SGCZ: variants seen among roughly 807,000 people sequenced by gnomAD.
SGCZ encodes the protein sarcoglycan zeta.
Under a neutral mutation model 41.3 loss-of-function variants are expected in SGCZ, and 40 were observed. The observed-to-expected ratio is 0.97, with a 90% CI of 0.75 to 1.26. SGCZ has a LOEUF of 1.26. Among genes scored for constraint, SGCZ ranks in the 50% most tolerant of loss-of-function variants. SGCZ has a pLI of 0.00. For synonymous variants in SGCZ, 206 were observed against 137.5 expected (o/e 1.50, Z -3.49); for missense variants, 552 against 369.8 (o/e 1.49, Z -4.04).
intron 1 of SGCZ, among the ~76,000 whole-genome samples, chr8:14,959,405 C>T (rs1025436248): frequency 2.6e-5 from 4 of 152,040 alleles, no homozygotes; most frequent in African/African-American, 9.7e-5. Context: ...TATAACTAAT[C>T]CATGGATATC....
chr8:14,446,475 T>G (rs1443247804), intron 2 of SGCZ, among the ~76,000 whole-genome samples: 3 of 152,198 alleles, frequency 2.0e-5, no homozygotes, highest in African/African-American at 7.2e-5. Flanking sequence ...ATAAATTGTA[T>G]AGAGATTCAT....
intron 2 of SGCZ, among the ~76,000 whole-genome samples, chr8:14,507,356 T>C (rs1165170327): frequency 1.3e-5 from 2 of 152,154 alleles, no homozygotes; most frequent in African/African-American, 4.8e-5. Flanking sequence ...AATCTGCCTG[T>C]ATAATTAAAA....
chr8:14,362,940 G>A (rs1803578992), intron 2 of SGCZ, among the ~76,000 whole-genome samples: 2 of 152,234 alleles, frequency 1.3e-5, no homozygotes, highest in South Asian at 4.1e-4. Context: ...CTAATATATA[G>A]TACAATGTGG....
intron 1 of SGCZ, among the ~76,000 whole-genome samples, chr8:14,626,197 G>A (rs1327409925): frequency 1.3e-5 from 2 of 151,848 alleles, no homozygotes; most frequent in African/African-American, 4.8e-5. Flanking sequence ...ACAATGGGCA[G>A]GTTTGTTACA....
intron 2 of SGCZ, among the ~76,000 whole-genome samples, chr8:14,489,866 C>CTTTTTTTTTTTTTT (rs142314868): frequency 1.5e-5 from 2 of 137,480 alleles, no homozygotes; most frequent in Admixed American, 7.6e-5. Flanking sequence ...AATTCTCCTA[C>CTTTTTTTTTTTTTT]CTTTTTTTTT....
intron 3 of SGCZ, among the ~76,000 whole-genome samples, chr8:14,321,855 C>G (rs10095041): frequency 0.011 from 1,717 of 152,130 alleles, 32 homozygotes; most frequent in African/African-American, 0.039. Flanking sequence ...ATCATTTCTG[C>G]TTTCATTATT....
intron 1 of SGCZ, among the ~76,000 whole-genome samples, chr8:15,234,833 C>A (rs1036960497): frequency 1.3e-5 from 2 of 152,156 alleles, no homozygotes; most frequent in African/African-American, 4.8e-5. Flanking sequence ...TTATCAGAAT[C>A]TTTCTTTCTT....
At chr8:15,217,085 G>A (rs1801427418) in intron 1 of SGCZ, among the ~76,000 whole-genome samples, 1 of 152,036 alleles carries the variant, frequency 6.6e-6, no homozygotes, top group African/African-American at 2.4e-5. Context: ...CAAAAAGTAA[G>A]CATTCCGACA....
At chr8:14,334,908 C>T (rs192731514) in intron 2 of SGCZ, among the ~76,000 whole-genome samples, 81 of 152,004 alleles carry the variant, frequency 5.3e-4, no homozygotes, top group Non-Finnish European at 1.0e-3. Context: ...TGTGTATTTC[C>T]GACTGTGTAT....
At chr8:15,200,095 A>G (rs1740212800) in intron 1 of SGCZ, among the ~76,000 whole-genome samples, 4 of 152,212 alleles carry the variant, frequency 2.6e-5, no homozygotes. Context: ...AAGGGCCAAC[A>G]CTGTAGAAAT....
chr8:14,977,910 C>CAT (rs1173505936), intron 1 of SGCZ, among the ~76,000 whole-genome samples: 2 of 147,836 alleles, frequency 1.4e-5, no homozygotes, highest in Non-Finnish European at 3.0e-5. Flanking sequence ...CACACACACA[C>CAT]ATATATACAC....
intron 2 of SGCZ, among the ~76,000 whole-genome samples, chr8:14,517,015 A>T (rs1249817922): frequency 6.6e-6 from 1 of 152,040 alleles, no homozygotes; most frequent in Non-Finnish European, 1.5e-5. Flanking sequence ...GGAAGTCAAG[A>T]GGTTGTAGTG....
At chr8:14,927,258 G>C (rs1218507248) in intron 1 of SGCZ, among the ~76,000 whole-genome samples, 1 of 151,730 alleles carries the variant, frequency 6.6e-6, no homozygotes, top group East Asian at 2.0e-4. Flanking sequence ...ACAGGCGTCC[G>C]CCACCACGCC....
At chr8:14,117,559 G>C (rs185262630) in intron 5 of SGCZ, among the ~76,000 whole-genome samples, 1 of 150,354 alleles carries the variant, frequency 6.7e-6, no homozygotes, top group Non-Finnish European at 1.5e-5. Context: ...CCAGAGAATT[G>C]AAAAAAAAGC....
At chr8:14,138,020 A>G (rs1803254898) in intron 5 of SGCZ, among the ~76,000 whole-genome samples, 1 of 152,338 alleles carries the variant, frequency 6.6e-6, no homozygotes, top group Non-Finnish European at 1.5e-5. Context: ...AGTGGGGGCC[A>G]ATATGCAACA....
chr8:14,831,630 A>ATG lies in SGCZ; in HGVS notation c.40-276705_40-276704insCA, dbSNP rs375068979. Among the ~76,000 whole-genome samples, 1,263 of 135,056 alleles carry ATG rather than the reference A, an allele frequency of 9.4e-3. 7 individuals are homozygous for ATG. Among genetic ancestry groups the ATG allele is most frequent in the Non-Finnish European group, 0.013 (866 of 66,730 alleles). The allele number at this position is 135,056 out of a possible 152,430, so 88.6% of individuals were successfully genotyped here. ...TGTGTGTGTGTGTACACATAGACAC[A>ATG]TATGTGTGTGTGTGTATATATATAT... is the stretch of plus-strand genomic sequence containing the variant. On this transcript the variant is annotated intron_variant, in intron 1 of 7. Transcript: ENST00000382080.
chr8:14,312,550 T>G (rs1327809737), intron 3 of SGCZ, among the ~76,000 whole-genome samples: 2 of 152,028 alleles, frequency 1.3e-5, no homozygotes, highest in East Asian at 1.9e-4. Context: ...GGCCAGGAAC[T>G]TGAAGCTCCA....
chr8:14,311,751 G>C (rs116269999), intron 3 of SGCZ, among the ~76,000 whole-genome samples: 1 of 152,010 alleles, frequency 6.6e-6, no homozygotes, highest in Non-Finnish European at 1.5e-5. Context: ...TTGAATATAC[G>C]AATCATTCAT....
intron 2 of SGCZ, among the ~76,000 whole-genome samples, chr8:14,551,475 AT>A (rs1803818219): frequency 1.8e-4 from 3 of 16,246 alleles, no homozygotes; most frequent in Non-Finnish European, 3.1e-4. Flanking sequence ...TATATATATT[AT>A]ATATTATATA....
Sources: gnomAD v4.1 joint callset for allele counts (sites outside exome capture counted in the v4.1 genomes callset) on GRCh38, gnomAD v4.1.1 for gene constraint, MANE v1.5 for transcripts, NCBI Gene and HGNC (gene_info 2026-07-23, HGNC 2026-07-21) for gene names.